MYH10: variants seen among roughly 807,000 people sequenced by gnomAD.
MYH10 encodes myosin-10.
A neutral mutation model predicts 257.8 loss-of-function variants in MYH10; 55 were observed. The observed-to-expected ratio is 0.21, with a 90% CI of 0.17 to 0.27. The LOEUF is 0.27. Among genes scored for constraint, MYH10 ranks in the 10% least tolerant of loss-of-function variants. MYH10 has a pLI of 1.00. For synonymous variants in MYH10, 854 were observed against 921.7 expected, an observed-to-expected ratio of 0.93 and a Z score of 1.33; for missense variants, 1,631 against 2,500.6, an observed-to-expected ratio of 0.65 and a Z score of 7.42.
At chr17:8,497,321 T>C (rs550425544) in intron 30 of MYH10, among the ~76,000 whole-genome samples, 2 of 152,280 alleles carry the variant, frequency 1.3e-5, no homozygotes, top group South Asian at 4.1e-4. Flanking sequence ...TAAGGACTCA[T>C]CGACTATATT....
chr17:8,546,030 T>C (rs1219564308), intron 12 of MYH10, among the ~76,000 whole-genome samples: 1 of 152,150 alleles, frequency 6.6e-6, no homozygotes, highest in African/African-American at 2.4e-5. Flanking sequence ...TAATTTGACA[T>C]TTACTTTTTT....
chr17:8,532,154 T>C (rs1156961455), intron 16 of MYH10, among the ~76,000 whole-genome samples: 1 of 152,176 alleles, frequency 6.6e-6, no homozygotes, highest in Non-Finnish European at 1.5e-5. Context: ...AGCAGCATTA[T>C]CAGGAGAGCA....
At chr17:8,556,911 CATA>C (rs902879037) in intron 7 of MYH10, among the ~76,000 whole-genome samples, 3 of 152,180 alleles carry the variant, frequency 2.0e-5, no homozygotes, top group African/African-American at 7.2e-5. Context: ...CATTCTATAA[CATA>C]ATAATAATTC....
Position 8,606,492 on chromosome 17 carries a change from G to A in MYH10, c.346-1510C>T, listed in dbSNP as rs115624773. Among the ~76,000 whole-genome samples the A allele has an allele frequency of 2.3e-3, 350 of 152,280 alleles. 3 individuals are homozygous for A. The highest frequency in any genetic ancestry group is 8.0e-3 in the African/African-American group (332 of 41,562). The stretch of plus-strand genomic sequence containing the variant: ...TGGTACTGTATGGCCAGCTTCCCCA[G>A]GGAACACTAAGGGGGATTCTAACTA... On this transcript the variant is annotated intron_variant, in intron 2 of 42. Transcript: ENST00000360416.
chr17:8,623,287 G>T lies in MYH10; in HGVS notation c.-31-10C>A, dbSNP rs368131342. 3.2e-6 allele frequency: 5 copies of T among 1,540,172 alleles called. No individual in the cohort carries two copies. In the African/African-American group the frequency reaches 7.0e-5, roughly 21 times the overall value. On this transcript the variant is annotated splice_polypyrimidine_tract_variant and intron_variant, in intron 1 of 42. Transcript: ENST00000360416. ...CCAAAAGCAATTGCCTCTAAGAGAAGAGGAGGAGGGCAAAATTAGATGTTT... is the reference window on the plus strand; with the variant it reads ...CCAAAAGCAATTGCCTCTAAGAGAATAGGAGGAGGGCAAAATTAGATGTTT...
chr17:8,530,528 G>GCCC, intron 17 of MYH10, 95 bp downstream of exon 17: 1 of 27,450 alleles, frequency 3.6e-5, no homozygotes. Context: ...GTCTACCCCC[G>GCCC]CCCTCCCCGG....
chr17:8,596,010 G>A (rs1371256560), intron 3 of MYH10, among the ~76,000 whole-genome samples: 1 of 152,036 alleles, frequency 6.6e-6, no homozygotes, highest in African/African-American at 2.4e-5. Context: ...GCCCAGTCTT[G>A]TACTTTTATT....
chr17:8,553,673 G>T (rs1049699462), intron 8 of MYH10, among the ~76,000 whole-genome samples: 2 of 152,142 alleles, frequency 1.3e-5, no homozygotes, highest in African/African-American at 4.8e-5. Flanking sequence ...ACAGCAATAG[G>T]GGGAGGGCAA....
At chr17:8,492,008 C>T (rs1345537629) in intron 34 of MYH10, among the ~76,000 whole-genome samples, 1 of 152,212 alleles carries the variant, frequency 6.6e-6, no homozygotes, top group African/African-American at 2.4e-5. Context: ...TTGAAAGGCC[C>T]TCCTGCCAGG....
In MYH10 at chr17:8,545,932, C is replaced by T. The variant is rs1490366976; in HGVS notation, c.1279-332G>A. 2.6e-5 allele frequency among the ~76,000 whole-genome samples: 4 copies of T among 152,102 alleles called. No individual in the cohort carries two copies. The highest frequency in any genetic ancestry group is 4.8e-5 in the African/African-American group (2 of 41,422). On this transcript the variant is annotated intron_variant, in intron 12 of 42. Coordinates refer to ENST00000360416, the MANE Select transcript of MYH10 (RefSeq NM_001256012.3). The surrounding 1 kb of genome is among the most constrained non-coding windows in gnomAD (Gnocchi z 4.7). ...TGTACCACCCAGCACAAGGACAAGG[C>T]GGCAGGGGCCCTTGTGTTGGTCTGG...
chr17:8,550,533 C>A (rs552078104), intron 9 of MYH10, among the ~76,000 whole-genome samples: 1 of 150,660 alleles, frequency 6.6e-6, no homozygotes, highest in African/African-American at 2.4e-5. Context: ...GACAGCCCCC[C>A]GCCCGGCCAG....
chr17:8,482,960 T>A (rs1481327686), intron 37 of MYH10, among the ~76,000 whole-genome samples: 1 of 152,236 alleles, frequency 6.6e-6, no homozygotes, highest in Non-Finnish European at 1.5e-5. Context: ...GCATCATTTT[T>A]AAGTACCCAC....
At chr17:8,619,850 G>A (rs531762254) in intron 2 of MYH10, among the ~76,000 whole-genome samples, 29 of 152,038 alleles carry the variant, frequency 1.9e-4, no homozygotes, top group South Asian at 2.1e-4. Context: ...CACTTGAACC[G>A]GGAGGCGGAG....
rs1165143383 is a variant in MYH10, at chr17:8,477,234, C to G, written c.5707-186G>C. On this transcript the variant is annotated intron_variant, in intron 41 of 42. Transcript: ENST00000360416. This position sits in a 1 kb window ranked among gnomAD's most constrained non-coding sequence, Gnocchi z 4.2. ...AACCGGCCTGCCGCTCTCAGCAAAG[C>G]TAGCATCTACAAAGCACACTAGGCC... Among the ~76,000 whole-genome samples the G allele has an allele frequency of 6.6e-6, 1 of 152,166 alleles. No homozygotes were observed. Among genetic ancestry groups the G allele is most frequent in the Non-Finnish European group, 1.5e-5 (1 of 68,026 alleles).
Position 8,499,485 on chromosome 17 carries a change from CG to C in MYH10, c.3745-10del. Reference sequence around the variant, plus strand: ...TCTAGATTTGCTTTGAACTAGGAGACGGAAGGGAAAACATAATTCACTAGTT... The same window carrying C: ...TCTAGATTTGCTTTGAACTAGGAGACGAAGGGAAAACATAATTCACTAGTT... On this transcript the variant is annotated splice_polypyrimidine_tract_variant and intron_variant, in intron 29 of 42. Transcript: ENST00000360416. 6.2e-7 allele frequency: 1 copy of C among 1,613,464 alleles called. No individual in the cohort carries two copies. The highest frequency in any genetic ancestry group is 8.5e-7 in the Non-Finnish European group (1 of 1,179,516).
At chr17:8,496,646 T>C (rs1056405602) in intron 30 of MYH10, among the ~76,000 whole-genome samples, 3 of 152,198 alleles carry the variant, frequency 2.0e-5, no homozygotes, top group Admixed American at 6.5e-5. Flanking sequence ...TTTCAGAGAT[T>C]TTCTCTTTTA....
intron 4 of MYH10, among the ~76,000 whole-genome samples, chr17:8,577,752 G>T (rs1264059908): frequency 6.6e-6 from 1 of 152,050 alleles, no homozygotes; most frequent in African/African-American, 2.4e-5. Context: ...GGCTGGTCTC[G>T]AACTCCTGGC....
intron 7 of MYH10, among the ~76,000 whole-genome samples, chr17:8,565,274 T>C (rs1280028036): frequency 6.6e-6 from 1 of 152,172 alleles, no homozygotes; most frequent in African/African-American, 2.4e-5. Context: ...AAATCAAACA[T>C]CAAAATTACA....
chr17:8,520,018 T>C (rs2081600015), intron 19 of MYH10, among the ~76,000 whole-genome samples: 1 of 152,204 alleles, frequency 6.6e-6, no homozygotes, highest in Non-Finnish European at 1.5e-5. Flanking sequence ...TGTGTGCACA[T>C]GTATACACAT....
Sources: allele counts gnomAD v4.1 joint callset (sites outside exome capture counted in the v4.1 genomes callset), GRCh38; gene constraint gnomAD v4.1.1; non-coding constraint Gnocchi (gnomAD v3.1); transcripts MANE v1.5; gene names NCBI Gene and HGNC (gene_info 2026-07-23, HGNC 2026-07-21).